C10orf90: variants seen among roughly 807,000 people sequenced by gnomAD.
C10orf90 encodes the protein (E2-independent) E3 ubiquitin-conjugating enzyme FATS.
A neutral mutation model predicts 62.5 loss-of-function variants in C10orf90; 56 were observed. That is an observed-to-expected ratio of 0.90 (90% CI 0.72 to 1.12). C10orf90 has a LOEUF of 1.12. C10orf90 is among the 50% of genes most tolerant of loss of function. C10orf90 has a pLI of 0.00. For synonymous variants in C10orf90, 386 were observed against 340.4 expected, an observed-to-expected ratio of 1.13 and a Z score of -1.47; for missense variants, 970 against 880.4, an observed-to-expected ratio of 1.10 and a Z score of -1.29.
At chr10:126,627,490 G>T (rs1315838166) in intron 2 of C10orf90, among the ~76,000 whole-genome samples, 2 of 151,784 alleles carry the variant, frequency 1.3e-5, no homozygotes, top group African/African-American at 4.8e-5. Context: ...GTCTCTGTGG[G>T]GTTCCTGCCT....
In C10orf90 at chr10:126,576,725, CAT is replaced by C. The variant is rs1844628973; in HGVS notation, c.314-62788_314-62787del. Among the ~76,000 whole-genome samples, 2 of 35,394 alleles carry C rather than the reference CAT, an allele frequency of 5.7e-5. 1 individual carries two copies. Among genetic ancestry groups the C allele is most frequent in the African/African-American group, 2.7e-4 (2 of 7,364 alleles). 23.2% of individuals were successfully genotyped at this position (35,394 alleles called of 152,430 possible). ...TATATGTATATATATACAAGATATACATATATATGTATATGTATATATACATA... is the reference window on the plus strand; with the variant it reads ...TATATGTATATATATACAAGATATACATATATGTATATGTATATATACATA... On this transcript the variant is annotated intron_variant, in intron 2 of 9. Coordinates refer to ENST00000488181, the MANE Select transcript of C10orf90 (RefSeq NM_001350921.2).
chr10:126,627,640 G>A (rs1845772737), intron 2 of C10orf90, among the ~76,000 whole-genome samples: 1 of 152,122 alleles, frequency 6.6e-6, no homozygotes, highest in African/African-American at 2.4e-5. Flanking sequence ...TCTACCTTCT[G>A]GCAGTTAAAG....
At chr10:126,643,620 G>T (rs1044204960) in intron 2 of C10orf90, among the ~76,000 whole-genome samples, 2 of 152,186 alleles carry the variant, frequency 1.3e-5, no homozygotes, top group Non-Finnish European at 2.9e-5. Flanking sequence ...CGCTCTTGCT[G>T]CCAGGGCCCA....
chr10:126,433,712 A>G (rs1294552293), intron 7 of C10orf90, among the ~76,000 whole-genome samples: 2 of 151,964 alleles, frequency 1.3e-5, no homozygotes, highest in Admixed American at 6.5e-5. Context: ...GCTTTGTTTG[A>G]AAACAAAACA....
At chr10:126,451,425 A>G (rs1224798967) in intron 7 of C10orf90, among the ~76,000 whole-genome samples, 1 of 152,090 alleles carries the variant, frequency 6.6e-6, no homozygotes, top group Non-Finnish European at 1.5e-5. Context: ...AAATCAACCT[A>G]AGTGTCTATC....
At chr10:126,491,077 T>A (rs1049333498) in intron 4 of C10orf90, among the ~76,000 whole-genome samples, 1 of 152,184 alleles carries the variant, frequency 6.6e-6, no homozygotes, top group East Asian at 1.9e-4. Flanking sequence ...TATACTAGCA[T>A]TCAGAATATA....
chr10:126,448,765 C>T (rs1199548474), intron 7 of C10orf90, among the ~76,000 whole-genome samples: 3 of 152,106 alleles, frequency 2.0e-5, no homozygotes. Flanking sequence ...TATACACCTA[C>T]AAATTGGATA....
At chr10:126,626,562 T>C (rs1041357382) in intron 2 of C10orf90, among the ~76,000 whole-genome samples, 4 of 152,230 alleles carry the variant, frequency 2.6e-5, no homozygotes, top group African/African-American at 9.6e-5. Flanking sequence ...TTGAGATATG[T>C]TCTTCCAACT....
intron 2 of C10orf90, among the ~76,000 whole-genome samples, chr10:126,632,480 T>C (rs575937503): frequency 6.6e-6 from 1 of 151,788 alleles, no homozygotes; most frequent in Non-Finnish European, 1.5e-5. Context: ...CAGATCTCAG[T>C]ATTATCTACC....
At chr10:126,455,367 C>T (rs1231094384) in intron 7 of C10orf90, among the ~76,000 whole-genome samples, 1 of 152,196 alleles carries the variant, frequency 6.6e-6, no homozygotes, top group East Asian at 1.9e-4. Context: ...GGGAACGTTC[C>T]TCCCCAGGGT....
Position 126,493,598 on chromosome 10 carries a change from C to T in C10orf90, c.1534+10359G>A, listed in dbSNP as rs202058517. Among the ~76,000 whole-genome samples, 23 of 26,422 alleles carry T rather than the reference C, an allele frequency of 8.7e-4. No individual in the cohort carries two copies. In the East Asian group the frequency reaches 0.024, roughly 27 times the overall value. 17.3% of individuals were successfully genotyped at this position (26,422 alleles called of 152,430 possible). A position where few individuals can be genotyped will look rare whatever the true frequency, so the allele number is the denominator to read the frequency against. On this transcript the variant is annotated intron_variant, in intron 4 of 9. Transcript: ENST00000488181. ...TCTCGAACTTCTGACCGCAGGTGATCGCCCACCTCGGCCTCACAAAGTGCT... is the reference window on the plus strand; with the variant it reads ...TCTCGAACTTCTGACCGCAGGTGATTGCCCACCTCGGCCTCACAAAGTGCT...
intron 6 of C10orf90, 150 bp downstream of exon 6, chr10:126,461,251 A>G: frequency 1.2e-6 from 1 of 809,306 alleles, no homozygotes; most frequent in South Asian, 1.8e-5. Flanking sequence ...TGGCCCAGAA[A>G]GCTTAGGGGA....
At chr10:126,664,258 T>C (rs1372049260) in intron 1 of C10orf90, among the ~76,000 whole-genome samples, 1 of 152,082 alleles carries the variant, frequency 6.6e-6, no homozygotes, top group East Asian at 1.9e-4. Context: ...TTTGCCCCAA[T>C]TTAAACAAGA....
At chr10:126,525,470 G>T (rs1863909328) in intron 2 of C10orf90, among the ~76,000 whole-genome samples, 1 of 152,178 alleles carries the variant, frequency 6.6e-6, no homozygotes, top group Admixed American at 6.5e-5. Flanking sequence ...AGCTGAATTG[G>T]CCGGAGCAGA....
chr10:126,518,657 G>C (rs1863571152), intron 2 of C10orf90, among the ~76,000 whole-genome samples: 1 of 152,166 alleles, frequency 6.6e-6, no homozygotes, highest in Non-Finnish European at 1.5e-5. Flanking sequence ...ACTCACTTGT[G>C]TTTGCTGCCC....
intron 2 of C10orf90, among the ~76,000 whole-genome samples, chr10:126,563,326 T>C (rs1036770975): frequency 2.0e-5 from 3 of 152,162 alleles, no homozygotes; most frequent in African/African-American, 7.2e-5. Context: ...CCCCAGCTTT[T>C]ACCCCCAAGA....
chr10:126,489,128 A>T (rs1239446912), intron 4 of C10orf90, among the ~76,000 whole-genome samples: 1 of 152,198 alleles, frequency 6.6e-6, no homozygotes, highest in Non-Finnish European at 1.5e-5. Context: ...AATCCCCCAA[A>T]ATATTAGCAA....
intron 2 of C10orf90, among the ~76,000 whole-genome samples, chr10:126,623,854 A>T (rs1271356554): frequency 6.6e-5 from 10 of 151,616 alleles, no homozygotes; most frequent in Non-Finnish European, 1.3e-4. Flanking sequence ...AAAAAAAAAA[A>T]AAAAGAATGA....
At chr10:126,539,753 C>T (rs1025515179) in intron 2 of C10orf90, among the ~76,000 whole-genome samples, 11 of 152,230 alleles carry the variant, frequency 7.2e-5, no homozygotes, top group South Asian at 2.1e-4. Context: ...TTATTAAATA[C>T]GTTGCATGAC....
Sources: allele counts gnomAD v4.1 joint callset (sites outside exome capture counted in the v4.1 genomes callset), GRCh38; gene constraint gnomAD v4.1.1; transcripts MANE v1.5; gene names NCBI Gene and HGNC (gene_info 2026-07-23, HGNC 2026-07-21).